The following PRKAR1A variants were observed in gnomAD, a reference collection of about 807,000 sequenced individuals.
PRKAR1A encodes protein kinase cAMP-dependent type I regulatory subunit alpha.
Under a neutral mutation model 52.0 loss-of-function variants are expected in PRKAR1A, and 3 were observed. The observed-to-expected ratio is 0.06, with a 90% CI of 0.03 to 0.15. The LOEUF is 0.15. Ranked by LOEUF, PRKAR1A falls within the 10% of genes least tolerant of loss-of-function variation. The pLI is 1.00. For synonymous variants in PRKAR1A, 188 were observed against 168.4 expected (o/e 1.12, Z -0.90); for missense variants, 240 against 477.4 (o/e 0.50, Z 4.63).
chr17:68,452,505 C>T, the PRKAR1A span, among the ~76,000 whole-genome samples: 1 of 152,114 alleles, frequency 6.6e-6, no homozygotes, highest in Non-Finnish European at 1.5e-5. Context: ...GTGGAGGTTG[C>T]AGTGAGCCAA....
chr17:68,543,706 C>G, intron 11 of PRKAR1A: 1 of 1,613,856 alleles, frequency 6.2e-7, no homozygotes, highest in Non-Finnish European at 8.5e-7. Context: ...CTGGTGTCTC[C>G]TCATCTCGCT....
At chr17:68,528,037 C>T (rs1205271857) in intron 8 of PRKAR1A, 137 bp downstream of exon 8, 1 of 748,446 alleles carries the variant, frequency 1.3e-6, no homozygotes. Context: ...GAAAGTCCTT[C>T]TGACTGTGGA....
chr17:68,523,698 G>T (rs1600481009), intron 3 of PRKAR1A, 27 bp from the exon 4 acceptor site: 6 of 1,574,016 alleles, frequency 3.8e-6, no homozygotes, highest in South Asian at 1.1e-5. Context: ...TTATGGAATT[G>T]TCATTTGACC....
At chr17:68,515,177 C>T in intron 1 of PRKAR1A, 1 of 568,688 alleles carries the variant, frequency 1.8e-6, no homozygotes, top group Non-Finnish European at 3.1e-6. Context: ...CTGTTGCCTA[C>T]AGAGCACAGA....
At chr17:68,444,533 C>T in the PRKAR1A span, 3 of 1,613,992 alleles carry the variant, frequency 1.9e-6, no homozygotes, top group African/African-American at 4.0e-5. Flanking sequence ...TCTTCAACAG[C>T]TTCATGTCTT....
intron 11 of PRKAR1A, chr17:68,551,059 C>G: frequency 8.1e-7 from 1 of 1,233,938 alleles, no homozygotes; most frequent in East Asian, 3.2e-5. Context: ...CGTGGCCCCT[C>G]TTGGGGCGAT....
chr17:68,439,266 G>T, the PRKAR1A span, among the ~76,000 whole-genome samples: 1 of 152,132 alleles, frequency 6.6e-6, no homozygotes, highest in Non-Finnish European at 1.5e-5. Context: ...AAGAAAATGT[G>T]ATATATTTTT....
chr17:68,493,808 G>A, the PRKAR1A span: 1 of 152,232 alleles, frequency 6.6e-6, no homozygotes, highest in East Asian at 1.9e-4. Flanking sequence ...TGGCCAGGCT[G>A]GTCTTGAACT....
chr17:68,462,895 A>C, the PRKAR1A span, among the ~76,000 whole-genome samples: 282 of 152,320 alleles, frequency 1.9e-3, 2 homozygotes, highest in African/African-American at 6.2e-3. Flanking sequence ...GGGCACCAGC[A>C]CTTTGCCTAC....
In PRKAR1A at chr17:68,524,095, A is replaced by G. The variant is rs1488153741; in HGVS notation, c.502+18A>G. On this transcript the variant is annotated intron_variant, in intron 5 of 10. Coordinates refer to ENST00000589228, the MANE Select transcript of PRKAR1A (RefSeq NM_002734.5). ...TCAGCAAGGTAAGGGCCTCTGGAGC[A>G]TGCAATATTGTTACGGGAGAGGAGG... The G allele has an allele frequency of 3.1e-6, 5 of 1,613,110 alleles. No individual in the cohort carries two copies. Among genetic ancestry groups the G allele is most frequent in the Admixed American group, 1.7e-5 (1 of 60,018 alleles).
Position 68,528,881 on chromosome 17 carries a change from A to G in PRKAR1A, c.781A>G (p.Lys261Glu), listed in dbSNP as rs755544940. Residue 261 changes from lysine (K) to glutamate (E), a missense_variant, in exon 9 of 11, where the codon AAG (lysine) becomes GAG (glutamate). By Grantham distance (56) the Lys-to-Glu change is moderately conservative. This residue lies in a region of PRKAR1A where 107 missense variants were observed against 290.9 expected (regional missense o/e 0.37). Coordinates refer to ENST00000589228, the MANE Select transcript of PRKAR1A (RefSeq NM_002734.5). ...TTCTTGTCTTTCAGAGTCTCTGGAC[A>G]AGTGGGAACGTCTTACGGTAGCTGA... ...SKVSILESLD[K>E]WERLTVADAL... 2 of 1,613,964 alleles carry G rather than the reference A, an allele frequency of 1.2e-6. No individual in the cohort carries two copies. Among genetic ancestry groups the G allele is most frequent in the Admixed American group, 1.7e-5 (1 of 60,016 alleles).
the PRKAR1A span, among the ~76,000 whole-genome samples, chr17:68,433,781 T>TTTTG: frequency 3.3e-5 from 3 of 90,246 alleles, no homozygotes; most frequent in African/African-American, 1.2e-4. Flanking sequence ...TTTTTTTTTT[T>TTTTG]TTTTTTTTTT....
intron 7 of PRKAR1A, 163 bp from the exon 8 acceptor site, chr17:68,527,677 A>G (rs963454438): frequency 1.6e-6 from 1 of 606,938 alleles, no homozygotes; most frequent in Admixed American, 2.9e-5. Flanking sequence ...TACCTGTAAA[A>G]TAAAAATGAA....
At chr17:68,482,511 GA>G in the PRKAR1A span, among the ~76,000 whole-genome samples, 5 of 152,006 alleles carry the variant, frequency 3.3e-5, no homozygotes, top group African/African-American at 9.7e-5. Context: ...TTTTCAAGAG[GA>G]AAAAAATAAA....
the PRKAR1A span, among the ~76,000 whole-genome samples, chr17:68,433,838 G>A: frequency 8.5e-5 from 11 of 129,342 alleles, no homozygotes; most frequent in South Asian, 2.5e-4. Context: ...GCTGGAGTAC[G>A]GTGGCTTGAT....
chr17:68,459,469 G>A, the PRKAR1A span, among the ~76,000 whole-genome samples: 1 of 152,204 alleles, frequency 6.6e-6, no homozygotes, highest in East Asian at 1.9e-4. Context: ...TGATAAAAAA[G>A]CAGTGTCTTT....
intron 3 of PRKAR1A, 21 bp from the exon 4 acceptor site, chr17:68,523,704 T>G (rs754354976): frequency 6.3e-7 from 1 of 1,585,090 alleles, no homozygotes; most frequent in Non-Finnish European, 8.6e-7. Flanking sequence ...AATTGTCATT[T>G]GACCTTCAGT....
the PRKAR1A span, among the ~76,000 whole-genome samples, chr17:68,490,495 T>G: frequency 1.3e-5 from 2 of 152,224 alleles, no homozygotes; most frequent in African/African-American, 4.8e-5. Context: ...GAGGCTAATC[T>G]GAGGACCTCC....
chr17:68,472,712 G>A, the PRKAR1A span, among the ~76,000 whole-genome samples: 7 of 152,158 alleles, frequency 4.6e-5, no homozygotes, highest in South Asian at 1.0e-3. Flanking sequence ...TTGGGAGGCC[G>A]AGGTGGGCAG....
Sources: gnomAD v4.1 joint callset for allele counts (sites outside exome capture counted in the v4.1 genomes callset) on GRCh38, gnomAD v4.1.1 for gene constraint, gnomAD v4.1.1 regional missense constraint, MANE v1.5 for transcripts, NCBI Gene and HGNC (gene_info 2026-07-23, HGNC 2026-07-21) for gene names.